Variants in STK3 observed in about 807,000 individuals in gnomAD.
STK3 encodes the protein serine/threonine-protein kinase 3.
In STK3, 41 loss-of-function variants were observed where a neutral mutation model predicts 58.0. The ratio of observed to expected loss-of-function variants is 0.71; its 90% CI spans 0.55 to 0.92. The LOEUF (loss-of-function observed/expected upper bound fraction) is 0.92. Ranked by LOEUF, STK3 falls within the 40% of genes least tolerant of loss-of-function variation. STK3 has a pLI of 0.00. For synonymous variants in STK3, 170 were observed against 191.0 expected, an observed-to-expected ratio of 0.89 and a Z score of 0.91; for missense variants, 479 against 602.7, an observed-to-expected ratio of 0.79 and a Z score of 2.15.
chr8:98,763,430 A>G (rs1830754509), intron 3 of STK3, among the ~76,000 whole-genome samples: 2 of 152,230 alleles, frequency 1.3e-5, no homozygotes, highest in Admixed American at 6.5e-5. Context: ...AGAGTATAGA[A>G]AACAAGACAA....
At chr8:98,715,004 C>T (rs1296276110) in intron 4 of STK3, among the ~76,000 whole-genome samples, 2 of 152,158 alleles carry the variant, frequency 1.3e-5, no homozygotes, top group Non-Finnish European at 2.9e-5. Flanking sequence ...TGATCTTTGA[C>T]AAACCTGACA....
At chr8:98,440,241 G>A (rs1818641350) in intron 1 of STK3, among the ~76,000 whole-genome samples, 1 of 152,166 alleles carries the variant, frequency 6.6e-6, no homozygotes, top group Non-Finnish European at 1.5e-5. Flanking sequence ...GGCCCTGAGA[G>A]CCCCGGACAC....
chr8:98,712,225 T>A (rs1826526307), intron 4 of STK3, among the ~76,000 whole-genome samples: 1 of 152,182 alleles, frequency 6.6e-6, no homozygotes, highest in African/African-American at 2.4e-5. Flanking sequence ...CTGTATCAAC[T>A]AACGAGCAAA....
At chr8:98,933,611 T>C (rs1239599499) in intron 1 of STK3, among the ~76,000 whole-genome samples, 2 of 152,204 alleles carry the variant, frequency 1.3e-5, no homozygotes. Flanking sequence ...TTGGGGCTCA[T>C]GTAAATTGTA....
chr8:98,767,967 T>C (rs1831049056), intron 2 of STK3, among the ~76,000 whole-genome samples: 1 of 152,176 alleles, frequency 6.6e-6, no homozygotes, highest in South Asian at 2.1e-4. Flanking sequence ...GTAAATAAAA[T>C]GAGGAACAGG....
At chr8:98,858,321 TATAG>T (rs1343672874) in intron 3 of STK3, among the ~76,000 whole-genome samples, 18 of 31,880 alleles carry the variant, frequency 5.6e-4, no homozygotes, top group South Asian at 2.7e-3. Context: ...TATATATATA[TATAG>T]AGAGAGAGAG....
At chr8:98,655,527 C>T (rs1821415339) in intron 6 of STK3, among the ~76,000 whole-genome samples, 1 of 151,978 alleles carries the variant, frequency 6.6e-6, no homozygotes, top group South Asian at 2.1e-4. Flanking sequence ...GCAAAAGAAA[C>T]TACCATCAGA....
intron 1 of STK3, among the ~76,000 whole-genome samples, chr8:98,447,812 A>G (rs1275509982): frequency 6.7e-6 from 1 of 148,886 alleles, no homozygotes; most frequent in East Asian, 1.9e-4. Flanking sequence ...ATGTCAGGGA[A>G]CTGAGCAAGG....
chr8:98,867,273 G>C (rs1270713223), intron 3 of STK3, among the ~76,000 whole-genome samples: 6 of 152,246 alleles, frequency 3.9e-5, no homozygotes, highest in African/African-American at 1.4e-4. Context: ...AAAATTAGTT[G>C]GGCGTGGTGG....
chr8:98,689,020 A>T (rs999588785), intron 6 of STK3, among the ~76,000 whole-genome samples: 1 of 152,200 alleles, frequency 6.6e-6, no homozygotes, highest in African/African-American at 2.4e-5. Context: ...TAGCTAGATT[A>T]AAAAAGGAAA....
At chr8:98,560,669 A>G (rs1423620058) in intron 8 of STK3, among the ~76,000 whole-genome samples, 2 of 152,166 alleles carry the variant, frequency 1.3e-5, no homozygotes, top group East Asian at 1.9e-4. Context: ...TAATTTAGAA[A>G]TGTTGACAAA....
At chr8:98,749,216 C>T (rs1829817502) in intron 4 of STK3, 60 bp downstream of exon 4, 2 of 1,274,278 alleles carry the variant, frequency 1.6e-6, no homozygotes, top group South Asian at 2.7e-5. Flanking sequence ...ACCAACTAGT[C>T]AGATTCTAAA....
At chr8:98,793,200 G>A (rs898467958) in intron 1 of STK3, among the ~76,000 whole-genome samples, 2 of 152,194 alleles carry the variant, frequency 1.3e-5, no homozygotes, top group African/African-American at 2.4e-5. Flanking sequence ...GCGGATAAGG[G>A]ATAAAAGACG....
intron 1 of STK3, among the ~76,000 whole-genome samples, chr8:98,886,227 G>C (rs1837985949): frequency 6.6e-6 from 1 of 152,114 alleles, no homozygotes; most frequent in Non-Finnish European, 1.5e-5. Flanking sequence ...GGTGAAATCT[G>C]AATAAGATCT....
At chr8:98,617,396 A>C (rs1412205936) in intron 6 of STK3, among the ~76,000 whole-genome samples, 1 of 138,118 alleles carries the variant, frequency 7.2e-6, no homozygotes, top group Non-Finnish European at 1.6e-5. Context: ...CATCACAATT[A>C]AAAGAACTAG....
At chr8:98,684,606 C>G (rs1039198530) in intron 6 of STK3, among the ~76,000 whole-genome samples, 2 of 152,148 alleles carry the variant, frequency 1.3e-5, no homozygotes, top group Non-Finnish European at 2.9e-5. Flanking sequence ...CCCTTTTGAT[C>G]TTCAAAAAGA....
chr8:98,447,072 C>T (rs185806447), intron 1 of STK3, among the ~76,000 whole-genome samples: 3 of 152,250 alleles, frequency 2.0e-5, no homozygotes, highest in Admixed American at 2.0e-4. Context: ...GAACAACACA[C>T]ACTGGCGCCT....
intron 4 of STK3, among the ~76,000 whole-genome samples, chr8:98,740,678 G>T (rs573255450): frequency 2.2e-4 from 34 of 152,146 alleles, no homozygotes; most frequent in Admixed American, 9.2e-4. Context: ...AGGAAGAAAC[G>T]GTATCAACTA....
chr8:98,397,935 C>T (rs1309358714), downstream of STK3, among the ~76,000 whole-genome samples: 2 of 152,172 alleles, frequency 1.3e-5, no homozygotes, highest in African/African-American at 4.8e-5. Flanking sequence ...TCTTCCTGCA[C>T]AGCCTGTGGA....
Sources: gnomAD v4.1 joint callset for allele counts (sites outside exome capture counted in the v4.1 genomes callset) on GRCh38, gnomAD v4.1.1 for gene constraint, MANE v1.5 for transcripts, NCBI Gene and HGNC (gene_info 2026-07-23, HGNC 2026-07-21) for gene names.